Variants in ITPR1 observed in about 807,000 individuals in gnomAD.
ITPR1 encodes inositol 1,4,5-trisphosphate receptor type 1, also known as inositol 1,4,5-trisphosphate-gated calcium channel ITPR1.
Under a neutral mutation model 318.4 loss-of-function variants are expected in ITPR1, and 96 were observed. The ratio of observed to expected loss-of-function variants is 0.30; its 90% CI spans 0.26 to 0.36. The LOEUF is 0.36. Among genes scored for constraint, ITPR1 ranks in the 10% least tolerant of loss-of-function variants. ITPR1 has a pLI of 1.00. For synonymous variants in ITPR1, 1,312 were observed against 1,289.9 expected (o/e 1.02, Z -0.37); for missense variants, 2,440 against 3,460.2 (o/e 0.71, Z 7.40).
chr3:4,796,597 G>C (rs1405729385), intron 53 of ITPR1, among the ~76,000 whole-genome samples: 2 of 152,174 alleles, frequency 1.3e-5, no homozygotes, highest in Non-Finnish European at 2.9e-5. Flanking sequence ...ATTTCAAACA[G>C]ATTTTATTAT....
intron 61 of ITPR1, among the ~76,000 whole-genome samples, chr3:4,844,283 A>G (rs989762124): frequency 3.9e-5 from 6 of 152,086 alleles, no homozygotes; most frequent in Non-Finnish European, 8.8e-5. Flanking sequence ...TACCATGCCT[A>G]GCTAATTTTT....
At chr3:4,541,120 G>A (rs2084399874) in intron 4 of ITPR1, among the ~76,000 whole-genome samples, 1 of 151,670 alleles carries the variant, frequency 6.6e-6, no homozygotes, top group Non-Finnish European at 1.5e-5. Flanking sequence ...CATGATGTTA[G>A]TGCTTTGTTT....
chr3:4,519,207 A>T (rs941205602), intron 3 of ITPR1, among the ~76,000 whole-genome samples: 1 of 151,802 alleles, frequency 6.6e-6, no homozygotes, highest in African/African-American at 2.4e-5. Context: ...CTTCCTCCCC[A>T]TTTGAGAACT....
chr3:4,786,742 C>T (rs2047221693), intron 51 of ITPR1, among the ~76,000 whole-genome samples: 1 of 152,214 alleles, frequency 6.6e-6, no homozygotes, highest in African/African-American at 2.4e-5. Context: ...ATGGAGGAAA[C>T]TTGCAAGGTG....
chr3:4,839,066 G>A (rs187534325), intron 61 of ITPR1, among the ~76,000 whole-genome samples: 5 of 152,306 alleles, frequency 3.3e-5, no homozygotes, highest in East Asian at 1.9e-4. Context: ...GGTGGCTCAC[G>A]CCTGTAATCC....
intron 46 of ITPR1, among the ~76,000 whole-genome samples, chr3:4,772,199 C>G (rs1293295940): frequency 6.6e-6 from 1 of 152,318 alleles, no homozygotes; most frequent in East Asian, 1.9e-4. Context: ...GGGTGGGTCA[C>G]TGGGTCAGGG....
intron 44 of ITPR1, chr3:4,750,139 G>T (rs2044392705): frequency 6.6e-6 from 1 of 152,456 alleles, no homozygotes. Context: ...ATGATGCTTT[G>T]CTCTTGGGTA....
At chr3:4,781,635 T>G (rs1559885066) in intron 49 of ITPR1, among the ~76,000 whole-genome samples, 1 of 152,310 alleles carries the variant, frequency 6.6e-6, no homozygotes, top group East Asian at 1.9e-4. Context: ...TCACCACCTG[T>G]GACTTTAGGA....
chr3:4,645,302 C>A, intron 8 of ITPR1, 85 bp from the exon 9 acceptor site: 1 of 900,694 alleles, frequency 1.1e-6, no homozygotes, highest in East Asian at 2.5e-5. Context: ...GCCTTGCTTC[C>A]TAGGCTGCGG....
chr3:4,686,661 T>G (rs981307335), intron 30 of ITPR1, among the ~76,000 whole-genome samples: 1 of 152,184 alleles, frequency 6.6e-6, no homozygotes, highest in Non-Finnish European at 1.5e-5. Flanking sequence ...TTTTGTTTGC[T>G]TTTGGATGGG....
rs764891964 is a variant in ITPR1 at position 4,642,037 on chromosome 3, A to G, written c.367-56A>G. ...ATAGTTGGTATGATTGAGAGAAGGA[A>G]TGGTAGAAAATTCAGATTTGCTGAC... On this transcript the variant is annotated intron_variant, in intron 6 of 61. Transcript: ENST00000649015. 157 of 1,388,702 alleles carry G rather than the reference A, an allele frequency of 1.1e-4. No homozygotes were observed. In the Middle Eastern group the frequency reaches 1.3e-3, roughly 12 times the overall value. 86.0% of individuals were successfully genotyped at this position (1,388,702 alleles called of 1,614,324 possible). A position where few individuals can be genotyped will look rare whatever the true frequency, so the allele number is the denominator to read the frequency against.
At chr3:4,800,370 C>T in intron 53 of ITPR1, 55 bp from the exon 54 acceptor site, 1 of 1,571,366 alleles carries the variant, frequency 6.4e-7, no homozygotes, top group Non-Finnish European at 8.7e-7. Flanking sequence ...TAGGTCTGTC[C>T]CCTGTACTCA....
intron 32 of ITPR1, 59 bp downstream of exon 32, chr3:4,691,403 A>G (rs2094476440): frequency 1.2e-5 from 14 of 1,210,824 alleles, no homozygotes; most frequent in Non-Finnish European, 1.7e-5. Context: ...TTTTAAAATT[A>G]TTTAATCTTA....
chr3:4,840,330 A>G (rs2051251711), intron 61 of ITPR1, among the ~76,000 whole-genome samples: 1 of 152,194 alleles, frequency 6.6e-6, no homozygotes, highest in African/African-American at 2.4e-5. Flanking sequence ...GAATTAAAAA[A>G]TAAAAGCTCC....
intron 44 of ITPR1, among the ~76,000 whole-genome samples, chr3:4,761,384 A>G (rs959754445): frequency 6.6e-6 from 1 of 152,144 alleles, no homozygotes; most frequent in Non-Finnish European, 1.5e-5. Flanking sequence ...CTCCTGCATC[A>G]ATTTGCTTAG....
chr3:4,735,312 C>A lies in ITPR1; in HGVS notation c.5502C>A (p.Leu1834=). The A allele has an allele frequency of 6.2e-7, 1 of 1,613,948 alleles. No individual in the cohort carries two copies. Residue 1834 remains leucine, a synonymous_variant, in exon 44 of 62, where the codon CTC becomes CTA. Transcript: ENST00000649015. ...SSDRVFHESI[L]LAIALLEGGN... ...ACCGAGTGTTCCATGAAAGCATTCT[C>A]CTGGCCATTGCCCTTCTGGAAGGAG...
intron 56 of ITPR1, 29 bp downstream of exon 56, chr3:4,811,489 A>ATGC: frequency 6.5e-7 from 1 of 1,539,854 alleles, no homozygotes; most frequent in Non-Finnish European, 8.9e-7. Context: ...GATCTTTTTA[A>ATGC]TGCTAAAAGA....
rs35734322 is a variant in ITPR1 at position 4,729,926 on chromosome 3, C to CTT, written c.5220+2767_5220+2768dup. Among the ~76,000 whole-genome samples the CTT allele has an allele frequency of 9.3e-3, 1,340 of 144,080 alleles. 22 individuals carry two copies. The highest frequency in any genetic ancestry group is 0.032 in the African/African-American group (1,242 of 39,142). 94.5% of individuals were successfully genotyped at this position (144,080 alleles called of 152,430 possible). On this transcript the variant is annotated intron_variant, in intron 42 of 61. Coordinates refer to ENST00000649015, the MANE Select transcript of ITPR1 (RefSeq NM_001378452.1). ...GAAGAAGTGACGTTATTTTAGAAGT[C>CTT]TTTTTTTTTTTTTTTCCTTCTCTGC... is the stretch of plus-strand genomic sequence containing the variant.
intron 35 of ITPR1, among the ~76,000 whole-genome samples, chr3:4,701,819 T>TA (rs1356357159): frequency 6.6e-6 from 1 of 152,234 alleles, no homozygotes; most frequent in Non-Finnish European, 1.5e-5. Context: ...AAATGGAGAT[T>TA]ATCTGAACCA....
Sources: allele counts gnomAD v4.1 joint callset (sites outside exome capture counted in the v4.1 genomes callset), GRCh38; gene constraint gnomAD v4.1.1; transcripts MANE v1.5; gene names NCBI Gene and HGNC (gene_info 2026-07-23, HGNC 2026-07-21).